TMEM144: variants seen among roughly 807,000 people sequenced by gnomAD.
TMEM144 encodes the protein transmembrane protein 144.
TMEM144 carries 39 observed loss-of-function variants against 43.6 expected under a neutral mutation model. The ratio of observed to expected loss-of-function variants is 0.90; its 90% CI spans 0.69 to 1.17. TMEM144 has a LOEUF of 1.17. Among genes scored for constraint, TMEM144 ranks in the 50% most tolerant of loss-of-function variants. TMEM144 has a pLI of 0.00. For synonymous variants in TMEM144, 154 were observed against 133.6 expected (o/e 1.15, Z -1.06); for missense variants, 417 against 411.9 (o/e 1.01, Z -0.11).
At position 158,253,472 on chromosome 4, in the gene TMEM144, T is replaced by C. The variant is rs1408848211; in HGVS notation, c.983T>C (p.Leu328Pro). The C allele has an allele frequency of 6.2e-7, 1 of 1,613,696 alleles. No individual in the cohort carries two copies. Among genetic ancestry groups the C allele is most frequent in the African/African-American group, 1.3e-5 (1 of 74,924 alleles). ...CTACAAAACTACCTATTAATGATAC[T>C]TGCATTTTGCATCATCTTGACTGGA... ...KGLQNYLLMI[L>P]AFCIILTGAL... Residue 328 changes from leucine to proline, a missense_variant, in exon 13 of 13, where the codon CTT becomes CCT. Coordinates refer to ENST00000296529, the MANE Select transcript of TMEM144 (RefSeq NM_018342.5).
intron 12 of TMEM144, among the ~76,000 whole-genome samples, chr4:158,244,892 A>C (rs1271538380): frequency 6.6e-6 from 1 of 152,190 alleles, no homozygotes; most frequent in Non-Finnish European, 1.5e-5. Context: ...CCCCATCTCC[A>C]ATGGAAAAAT....
In TMEM144 at chr4:158,254,853, G is replaced by C. The variant is rs1309211542; in HGVS notation, c.*1326G>C. The C allele has an allele frequency of 1.3e-5, 2 of 152,054 alleles. No individual in the cohort carries two copies. The highest frequency in any genetic ancestry group is 4.8e-5 in the African/African-American group (2 of 41,392). The allele number at this position is 152,054 out of a possible 1,614,324, so 9.4% of individuals were successfully genotyped here. On this transcript the variant is annotated 3_prime_UTR_variant, in exon 13 of 13. Coordinates refer to ENST00000296529, the MANE Select transcript of TMEM144 (RefSeq NM_018342.5). The stretch of plus-strand genomic sequence containing the variant: ...ACCTCTGCTTCATTTTATTTGTGTG[G>C]CTTTGGACAAGTTCCTAAGCCCTCT...
intron 11 of TMEM144, among the ~76,000 whole-genome samples, chr4:158,243,216 A>C (rs1293091971): frequency 1.3e-5 from 2 of 152,186 alleles, no homozygotes; most frequent in Non-Finnish European, 2.9e-5. Context: ...TGCCTAAAAG[A>C]CCCATATGCT....
chr4:158,233,220 G>A (rs534703465), intron 7 of TMEM144: 3 of 324,164 alleles, frequency 9.3e-6, no homozygotes, highest in Non-Finnish European at 1.7e-5. Context: ...TCTACTAGGT[G>A]ATATATATAT....
chr4:158,248,770 T>G (rs1736020394), intron 12 of TMEM144, among the ~76,000 whole-genome samples: 1 of 152,234 alleles, frequency 6.6e-6, no homozygotes, highest in Non-Finnish European at 1.5e-5. Flanking sequence ...GACGCATATT[T>G]AAAAGTCTAC....
chr4:158,219,232 C>A, intron 5 of TMEM144, 78 bp from the exon 6 acceptor site: 2 of 1,388,810 alleles, frequency 1.4e-6, no homozygotes, highest in Non-Finnish European at 2.0e-6. Flanking sequence ...AGGAATCTGG[C>A]CCCTAGTCCA....
At chr4:158,249,887 G>GGTGTGTGTGTGTGTGTGTGTGTGTGT (rs149144602) in intron 12 of TMEM144, among the ~76,000 whole-genome samples, 65 of 134,528 alleles carry the variant, frequency 4.8e-4, no homozygotes, top group Non-Finnish European at 8.9e-4. Flanking sequence ...CCTACTGCCA[G>GGTGTGTGTGTGTGTGTGTGTGTGTGT]GTGTGTGTGT....
At chr4:158,248,963 G>A (rs1030281918) in intron 12 of TMEM144, among the ~76,000 whole-genome samples, 1 of 152,232 alleles carries the variant, frequency 6.6e-6, no homozygotes, top group Non-Finnish European at 1.5e-5. Context: ...GTGGAGTGGA[G>A]TGATGCGATC....
rs1736379819 is a variant in TMEM144, at chr4:158,254,479, C to T, written c.*952C>T. 1 of 143,286 alleles carries T rather than the reference C, an allele frequency of 7.0e-6. No individual in the cohort carries two copies. Among genetic ancestry groups the T allele is most frequent in the Non-Finnish European group, 1.5e-5 (1 of 66,748 alleles). The allele number at this position is 143,286 out of a possible 1,614,324, so 8.9% of individuals were successfully genotyped here. A position where few individuals can be genotyped will look rare whatever the true frequency, so the allele number is the denominator to read the frequency against. On this transcript the variant is annotated 3_prime_UTR_variant, in exon 13 of 13. Coordinates refer to ENST00000296529, the MANE Select transcript of TMEM144 (RefSeq NM_018342.5). ...TTTTTTAAGAAAACTGAAATTAAGC[C>T]AGGCAGGGTGGCGCACTACTATAAT...
chr4:158,212,943 A>T (rs547087420), intron 3 of TMEM144, 167 bp downstream of exon 3: 82 of 650,974 alleles, frequency 1.3e-4, no homozygotes, highest in Admixed American at 8.8e-4. Context: ...TTTGTCTGAA[A>T]GTCAGAATAG....
intron 9 of TMEM144, among the ~76,000 whole-genome samples, chr4:158,239,369 T>G (rs1008995056): frequency 6.6e-6 from 1 of 152,222 alleles, no homozygotes; most frequent in African/African-American, 2.4e-5. Flanking sequence ...CACCCATCTG[T>G]GTGGCCACAG....
At chr4:158,238,333 T>G (rs1735459851) in intron 9 of TMEM144, among the ~76,000 whole-genome samples, 1 of 152,070 alleles carries the variant, frequency 6.6e-6, no homozygotes. Flanking sequence ...AAAGGAGAAT[T>G]TGGAGGGCAA....
chr4:158,233,157 G>A (rs112715867), intron 7 of TMEM144, 175 bp downstream of exon 7: 214 of 490,278 alleles, frequency 4.4e-4, no homozygotes, highest in African/African-American at 3.0e-3. Context: ...CAATATTTCC[G>A]CAGTTGAGCT....
rs548761342 is a variant in TMEM144, at chr4:158,212,852, T to A, written c.109+76T>A. On this transcript the variant is annotated intron_variant, in intron 3 of 12. Coordinates refer to ENST00000296529, the MANE Select transcript of TMEM144 (RefSeq NM_018342.5). The stretch of plus-strand genomic sequence containing the variant: ...TTCCTTTTTTGGTCTTTTAAAAGTA[T>A]AGCTACAAAAATAAATCATGTTGAT... The A allele has an allele frequency of 3.4e-4, 390 of 1,136,954 alleles. 1 individual carries two copies. In the African/African-American group the frequency reaches 5.6e-3, roughly 16 times the overall value. The allele number at this position is 1,136,954 out of a possible 1,614,324, so 70.4% of individuals were successfully genotyped here. A position where few individuals can be genotyped will look rare whatever the true frequency, so the allele number is the denominator to read the frequency against.
chr4:158,235,161 T>G, intron 7 of TMEM144: 2 of 308,098 alleles, frequency 6.5e-6, no homozygotes, highest in Non-Finnish European at 6.1e-6. Flanking sequence ...AAACATGAGA[T>G]AATAAGTTTT....
intron 3 of TMEM144, among the ~76,000 whole-genome samples, chr4:158,214,518 C>G (rs1000075169): frequency 6.6e-6 from 1 of 152,152 alleles, no homozygotes; most frequent in Admixed American, 6.5e-5. Context: ...CTTAATGATG[C>G]AGAAGCCTCA....
Position 158,219,406 on chromosome 4 carries a change from T to C in TMEM144, c.413+16T>C, listed in dbSNP as rs776702614. On this transcript the variant is annotated intron_variant, in intron 6 of 12. Transcript: ENST00000296529. ...CAGTAGTAAGGTACACAGTCATTTC[T>C]AGTGATTTTGCTGTTCTTCAAAACA... The C allele has an allele frequency of 6.2e-7, 1 of 1,610,066 alleles. No homozygotes were observed.
rs1242335494 is a variant in TMEM144, at chr4:158,241,537, A to G, written c.831A>G (p.Ile277Met). Residue 277 changes from isoleucine (I) to methionine (M), a missense_variant, in exon 11 of 13, where the codon ATA (isoleucine) becomes ATG (methionine). Ile to Met is a conservative substitution (Grantham distance 10, BLOSUM62 1). Coordinates refer to ENST00000296529, the MANE Select transcript of TMEM144 (RefSeq NM_018342.5). Reference sequence around the variant, plus strand: ...TCCTGTCAGGAGTACTTTGGGCTATAGCTACCTGCTGTTGGTTCATAGCAA... The same window carrying G: ...TCCTGTCAGGAGTACTTTGGGCTATGGCTACCTGCTGTTGGTTCATAGCAA... ...PGFLSGVLWA[I>M]ATCCWFIANH... The G allele has an allele frequency of 6.2e-7, 1 of 1,614,036 alleles. No homozygotes were observed. Among genetic ancestry groups the G allele is most frequent in the South Asian group, 1.1e-5 (1 of 91,074 alleles).
chr4:158,225,303 G>T (rs1442318493), intron 6 of TMEM144, among the ~76,000 whole-genome samples: 2 of 152,130 alleles, frequency 1.3e-5, no homozygotes, highest in African/African-American at 4.8e-5. Context: ...CTGACACGTA[G>T]GGTGTAAAGG....
Sources: allele counts gnomAD v4.1 joint callset (sites outside exome capture counted in the v4.1 genomes callset), GRCh38; gene constraint gnomAD v4.1.1; transcripts MANE v1.5; gene names NCBI Gene and HGNC (gene_info 2026-07-23, HGNC 2026-07-21).